The following ARHGAP22 variants were observed in gnomAD, a reference collection of about 807,000 sequenced individuals.
ARHGAP22 encodes Rho GTPase activating protein 22, also known as rho GTPase-activating protein 22.
ARHGAP22 carries 48 observed loss-of-function variants against 59.1 expected under a neutral mutation model. That is an observed-to-expected ratio of 0.81 (90% CI 0.64 to 1.03). The LOEUF is 1.03. ARHGAP22 is among the 50% of genes least tolerant of loss of function. The probability of loss-of-function intolerance (pLI) is 0.00; values close to 1 mark genes in which losing one functional copy is unlikely to be tolerated. For synonymous variants in ARHGAP22, 445 were observed against 416.4 expected (o/e 1.07, Z -0.84); for missense variants, 1,015 against 958.7 (o/e 1.06, Z -0.78).
Position 48,628,824 on chromosome 10 carries a change from A to G in ARHGAP22, c.52+23410T>C, listed in dbSNP as rs568728203. Among the ~76,000 whole-genome samples, 174 of 152,238 alleles carry G rather than the reference A, an allele frequency of 1.1e-3. 1 individual carries two copies. Among genetic ancestry groups the G allele is most frequent in the African/African-American group, 3.9e-3 (160 of 41,536 alleles). ...ATAGGACATGGGGCCACAGTGACAT[A>G]TCTTGCAGTAAGAGGAGCAAAGCTT... On this transcript the variant is annotated intron_variant, in intron 1 of 9. Coordinates refer to the ARHGAP22 transcript ENST00000435790.
intron 1 of ARHGAP22, among the ~76,000 whole-genome samples, chr10:48,634,998 C>A (rs117486671): frequency 1.3e-5 from 2 of 152,270 alleles, no homozygotes; most frequent in East Asian, 3.9e-4. Flanking sequence ...AGACTTCCAG[C>A]CTCCAGAATG....
chr10:48,534,113 C>T (rs1364405758), intron 3 of ARHGAP22, among the ~76,000 whole-genome samples: 5 of 152,348 alleles, frequency 3.3e-5, no homozygotes, highest in East Asian at 1.9e-4. Flanking sequence ...CTAGAAGTGC[C>T]GGCCAGCCAG....
At chr10:48,592,206 CAG>C (rs2059800963) in intron 1 of ARHGAP22, among the ~76,000 whole-genome samples, 2 of 152,162 alleles carry the variant, frequency 1.3e-5, no homozygotes, top group South Asian at 4.1e-4. Context: ...CTCTTTTAGA[CAG>C]AGTCTCACCA....
At chr10:48,480,498 TC>T (rs2049188633) in intron 3 of ARHGAP22, among the ~76,000 whole-genome samples, 2 of 152,152 alleles carry the variant, frequency 1.3e-5, no homozygotes, top group African/African-American at 2.4e-5. Context: ...TCTTTATACA[TC>T]CTACCCCCCG....
At chr10:48,564,080 C>T (rs77517408) in intron 2 of ARHGAP22, among the ~76,000 whole-genome samples, 3,283 of 152,252 alleles carry the variant, frequency 0.022, 127 homozygotes, top group African/African-American at 0.076. Context: ...ACTTTTGATA[C>T]ATAATTTGAT....
In ARHGAP22 at chr10:48,446,594, T is replaced by G. The variant is rs2133484370; in HGVS notation, c.1894A>C (p.Arg632=). 3 of 1,614,180 alleles carry G rather than the reference T, an allele frequency of 1.9e-6. No homozygotes were observed. The highest frequency in any genetic ancestry group is 3.3e-4 in the Middle Eastern group (2 of 6,062). The change falls in exon 10 of 10, where the codon AGA becomes CGA. Residue 632 remains arginine, a synonymous_variant. Coordinates refer to ENST00000249601, the MANE Select transcript of ARHGAP22 (RefSeq NM_021226.4). ...KRIEEGSADL[R]KRMSRLEEEL... is the part of the protein sequence containing the mutation. ...TCTTCTAACCGGGACATTCGTTTTCTCAGGTCAGCACTCCCTTCTTCGATT... is the reference window on the plus strand; with the variant it reads ...TCTTCTAACCGGGACATTCGTTTTCGCAGGTCAGCACTCCCTTCTTCGATT...
At chr10:48,573,516 T>A (rs1360444870) in intron 2 of ARHGAP22, among the ~76,000 whole-genome samples, 1 of 152,094 alleles carries the variant, frequency 6.6e-6, no homozygotes, top group Non-Finnish European at 1.5e-5. Context: ...AGAAAGGGAG[T>A]GAAGACCATC....
At chr10:48,465,405 C>T (rs1347509933) in intron 4 of ARHGAP22, among the ~76,000 whole-genome samples, 1 of 152,280 alleles carries the variant, frequency 6.6e-6, no homozygotes, top group Admixed American at 6.5e-5. Flanking sequence ...GGCTCCAATC[C>T]GCGTCCTCTA....
chr10:48,530,168 C>T (rs1270689970), intron 3 of ARHGAP22, among the ~76,000 whole-genome samples: 5 of 130,834 alleles, frequency 3.8e-5, no homozygotes, highest in Admixed American at 9.1e-5. Flanking sequence ...ACCCAGGAGG[C>T]GGAGGTTTCA....
At chr10:48,595,236 G>A (rs946506310) in intron 1 of ARHGAP22, among the ~76,000 whole-genome samples, 1 of 152,200 alleles carries the variant, frequency 6.6e-6, no homozygotes. Flanking sequence ...AAGCCGGGCT[G>A]GGAAAAGAGC....
chr10:48,505,481 G>A (rs1219076663), intron 3 of ARHGAP22, among the ~76,000 whole-genome samples: 2 of 152,052 alleles, frequency 1.3e-5, no homozygotes, highest in African/African-American at 4.8e-5. Context: ...GGAGTCCCGT[G>A]CGCCTGACTC....
At chr10:48,617,606 T>C (rs1408905829) in intron 1 of ARHGAP22, among the ~76,000 whole-genome samples, 1 of 151,826 alleles carries the variant, frequency 6.6e-6, no homozygotes, top group Admixed American at 6.6e-5. Flanking sequence ...GACCAACCAA[T>C]GGATTGATAA....
intron 1 of ARHGAP22, among the ~76,000 whole-genome samples, chr10:48,643,764 A>T (rs11101411): frequency 0.13 from 18,023 of 144,026 alleles, 1,419 homozygotes; most frequent in African/African-American, 0.22. Flanking sequence ...AAAAAAAAAA[A>T]ATATATATAT....
intron 4 of ARHGAP22, among the ~76,000 whole-genome samples, chr10:48,462,516 A>T (rs2047244480): frequency 6.6e-6 from 1 of 152,222 alleles, no homozygotes; most frequent in Non-Finnish European, 1.5e-5. Flanking sequence ...CAACGGTCCA[A>T]CCCAGGCAGT....
chr10:48,601,883 AT>A (rs2060404863), intron 1 of ARHGAP22, among the ~76,000 whole-genome samples: 1 of 152,194 alleles, frequency 6.6e-6, no homozygotes, highest in South Asian at 2.1e-4. Context: ...TAAAAATATC[AT>A]TGCATTTTAT....
chr10:48,634,170 C>G (rs1172411836), intron 1 of ARHGAP22, among the ~76,000 whole-genome samples: 1 of 152,134 alleles, frequency 6.6e-6, no homozygotes, highest in Non-Finnish European at 1.5e-5. Flanking sequence ...TGGGAGCAGC[C>G]AAAAGGTGCC....
intron 1 of ARHGAP22, among the ~76,000 whole-genome samples, chr10:48,617,692 AC>A: frequency 6.6e-6 from 1 of 152,110 alleles, no homozygotes; most frequent in Middle Eastern, 3.4e-3. Flanking sequence ...CACAGCAAAA[AC>A]AATATTGAGA....
chr10:48,518,457 T>C (rs1448086848), intron 3 of ARHGAP22, among the ~76,000 whole-genome samples: 1 of 152,160 alleles, frequency 6.6e-6, no homozygotes, highest in African/African-American at 2.4e-5. Flanking sequence ...TAATGGCAAG[T>C]GAGCAAACAA....
At chr10:48,619,784 C>G (rs1315285743) in intron 1 of ARHGAP22, among the ~76,000 whole-genome samples, 1 of 152,092 alleles carries the variant, frequency 6.6e-6, no homozygotes, top group African/African-American at 2.4e-5. Flanking sequence ...GGACATTGGT[C>G]TGAGCAAAGA....
Sources: gnomAD v4.1 joint callset for allele counts (sites outside exome capture counted in the v4.1 genomes callset) on GRCh38, gnomAD v4.1.1 for gene constraint, MANE v1.5 for transcripts, NCBI Gene and HGNC (gene_info 2026-07-23, HGNC 2026-07-21) for gene names.